The following RMDN2 variants were observed in gnomAD, a reference collection of about 807,000 sequenced individuals.
RMDN2 encodes the protein regulator of microtubule dynamics 2.
A neutral mutation model predicts 52.8 loss-of-function variants in RMDN2; 61 were observed. That is an observed-to-expected ratio of 1.16 (90% confidence interval 0.94 to 1.43). The LOEUF (loss-of-function observed/expected upper bound fraction) is 1.43, where lower values mean the gene tolerates loss of function less well. Among genes scored for constraint, RMDN2 ranks in the 40% most tolerant of loss-of-function variants. The pLI, the probability that RMDN2 is intolerant of heterozygous loss-of-function variation, is 0.00. For synonymous variants in RMDN2, 180 were observed against 153.1 expected (o/e 1.18, Z -1.30); for missense variants, 592 against 475.3 (o/e 1.25, Z -2.28).
chr2:38,006,800 C>T (rs1248280323), intron 10 of RMDN2, among the ~76,000 whole-genome samples: 2 of 152,142 alleles, frequency 1.3e-5, no homozygotes, highest in Non-Finnish European at 1.5e-5. Flanking sequence ...AAAGGGAATG[C>T]TTCCAGTTTT....
At chr2:37,991,526 A>C (rs576425510) in intron 7 of RMDN2, among the ~76,000 whole-genome samples, 128 of 151,996 alleles carry the variant, frequency 8.4e-4, no homozygotes, top group Non-Finnish European at 6.9e-4. Flanking sequence ...ATAATTTATA[A>C]ACTTGTAATT....
intron 10 of RMDN2, among the ~76,000 whole-genome samples, chr2:38,040,598 A>G (rs1680892257): frequency 6.6e-6 from 1 of 152,200 alleles, no homozygotes; most frequent in Non-Finnish European, 1.5e-5. Context: ...ATAAATTACG[A>G]GTCTAAGGTA....
intron 10 of RMDN2, among the ~76,000 whole-genome samples, chr2:38,014,632 C>G (rs1573103962): frequency 6.6e-6 from 1 of 152,184 alleles, no homozygotes; most frequent in East Asian, 1.9e-4. Context: ...TTTATCCAGT[C>G]TTTAGCAGAG....
intron 2 of RMDN2, chr2:37,950,690 CTG>C: frequency 8.5e-7 from 1 of 1,173,380 alleles, no homozygotes; most frequent in South Asian, 1.2e-5. Flanking sequence ...CCCATAATAA[CTG>C]GATATCCTGG....
chr2:38,008,532 T>C (rs945571546), intron 10 of RMDN2, among the ~76,000 whole-genome samples: 5 of 152,196 alleles, frequency 3.3e-5, no homozygotes, highest in Non-Finnish European at 7.3e-5. Context: ...TTGCAACCCC[T>C]GCCTTTTTTT....
chr2:37,937,193 T>C (rs1667371170), intron 2 of RMDN2, among the ~76,000 whole-genome samples: 1 of 152,244 alleles, frequency 6.6e-6, no homozygotes. Context: ...TTGTCAGGTT[T>C]GTCAAAGATC....
At chr2:37,932,761 G>T (rs1397570927) in intron 2 of RMDN2, among the ~76,000 whole-genome samples, 2 of 144,184 alleles carry the variant, frequency 1.4e-5, no homozygotes, top group African/African-American at 5.1e-5. Flanking sequence ...CAGTAGGGGC[G>T]GCCGGGCAGA....
intron 2 of RMDN2, chr2:37,963,337 ATTG>A (rs1466262671): frequency 2.3e-5 from 1 of 43,622 alleles, no homozygotes; most frequent in Non-Finnish European, 5.5e-5. Context: ...TTTTTTTTTA[ATTG>A]ATCATTCTTG....
chr2:37,999,889 T>C (rs1676083207), intron 8 of RMDN2, among the ~76,000 whole-genome samples: 1 of 152,198 alleles, frequency 6.6e-6, no homozygotes, highest in Non-Finnish European at 1.5e-5. Flanking sequence ...CCTGTCTGAA[T>C]GACCTGGACA....
At position 37,929,566 on chromosome 2, in the gene RMDN2, A is replaced by G. The variant is rs1406161675; in HGVS notation, c.289A>G (p.Lys97Glu). The change falls in exon 2 of 11, where the codon AAA becomes GAA. Residue 97 changes from lysine to glutamate, a missense_variant. By Grantham distance (56) the Lys-to-Glu change is moderately conservative. Coordinates refer to ENST00000354545, the MANE Select transcript of RMDN2 (RefSeq NM_001170791.3). ...EELKEEIRFL[K>E]EAIPKLEEYI... Reference sequence around the variant, plus strand: ...ACTCAAAGAGGAAATCAGATTTCTTAAAGAAGCTATTCCAAAGCTGGAGGA... The same window carrying G: ...ACTCAAAGAGGAAATCAGATTTCTTGAAGAAGCTATTCCAAAGCTGGAGGA... 3 of 1,551,916 alleles carry G rather than the reference A, an allele frequency of 1.9e-6. No homozygotes were observed. Among genetic ancestry groups the G allele is most frequent in the Non-Finnish European group, 1.7e-6 (2 of 1,147,014 alleles).
intron 10 of RMDN2, chr2:38,066,793 TTCCTTCA>T: frequency 3.5e-6 from 2 of 568,602 alleles, no homozygotes; most frequent in Non-Finnish European, 6.4e-6. Flanking sequence ...ATGAAAATAT[TTCCTTCA>T]CTTATTCTTA....
chr2:37,964,103 C>T (rs1430591017), intron 2 of RMDN2, among the ~76,000 whole-genome samples: 20 of 151,986 alleles, frequency 1.3e-4, no homozygotes, highest in African/African-American at 3.6e-4. Flanking sequence ...CCAGACGGGG[C>T]GGCTGCCAGA....
intron 5 of RMDN2, among the ~76,000 whole-genome samples, chr2:37,982,896 T>C (rs755769144): frequency 4.6e-5 from 7 of 152,142 alleles, no homozygotes; most frequent in Non-Finnish European, 1.0e-4. Context: ...TGTAATGAAT[T>C]TGTGGTGATC....
At position 37,959,357 on chromosome 2, in the gene RMDN2, G is replaced by T. The variant is rs543164255; in HGVS notation, c.453-14683G>T. Among the ~76,000 whole-genome samples, 57 of 150,952 alleles carry T rather than the reference G, an allele frequency of 3.8e-4. 6 individuals are homozygous for T. Among genetic ancestry groups the T allele is most frequent in the African/African-American group, 1.4e-3 (56 of 40,318 alleles). On this transcript the variant is annotated intron_variant, in intron 2 of 10. Coordinates refer to ENST00000354545, the MANE Select transcript of RMDN2 (RefSeq NM_001170791.3). ...TTGTTATTGGTCTATTCAGGGATTT[G>T]ACTTCTTCCTGGTTTAGTCTTGGGA... is the stretch of plus-strand genomic sequence containing the variant.
intron 2 of RMDN2, among the ~76,000 whole-genome samples, chr2:37,942,075 C>T (rs1344733528): frequency 3.9e-5 from 6 of 152,090 alleles, no homozygotes; most frequent in African/African-American, 7.2e-5. Flanking sequence ...TTGTGAAGAC[C>T]GTGGGAAAAG....
chr2:38,034,238 G>C (rs1441577019), intron 10 of RMDN2, among the ~76,000 whole-genome samples: 1 of 152,184 alleles, frequency 6.6e-6, no homozygotes, highest in Non-Finnish European at 1.5e-5. Flanking sequence ...GCATCCTTCA[G>C]CCGTGACACT....
chr2:38,001,630 C>A (rs1195629993), intron 8 of RMDN2, among the ~76,000 whole-genome samples: 2 of 152,218 alleles, frequency 1.3e-5, no homozygotes, highest in Non-Finnish European at 2.9e-5. Flanking sequence ...TGTTTACATG[C>A]ATACACTGGG....
intron 10 of RMDN2, chr2:38,035,944 A>G (rs1004552824): frequency 1.3e-5 from 2 of 152,072 alleles, no homozygotes; most frequent in African/African-American, 4.8e-5. Context: ...AGGTGCACAC[A>G]CTATTTAGGT....
At chr2:38,046,470 T>C (rs1255810584) in intron 10 of RMDN2, among the ~76,000 whole-genome samples, 1 of 151,786 alleles carries the variant, frequency 6.6e-6, no homozygotes, top group African/African-American at 2.4e-5. Flanking sequence ...TGACTAGAAA[T>C]GTCCAAAATT....
Sources: gnomAD v4.1 joint callset for allele counts (sites outside exome capture counted in the v4.1 genomes callset) on GRCh38, gnomAD v4.1.1 for gene constraint, MANE v1.5 for transcripts, NCBI Gene and HGNC (gene_info 2026-07-23, HGNC 2026-07-21) for gene names.